ARID1B: variants seen among roughly 807,000 people sequenced by gnomAD.
The protein encoded by ARID1B is AT-rich interactive domain-containing protein 1B.
A neutral mutation model predicts 212.3 loss-of-function variants in ARID1B; 30 were observed. That is an observed-to-expected ratio of 0.14 (90% confidence interval 0.11 to 0.19). The LOEUF is 0.19. ARID1B is among the 10% of genes least tolerant of loss of function. ARID1B has a pLI of 1.00. For missense variants in ARID1B, 2,891 were observed against 3,204.0 expected, an observed-to-expected ratio of 0.90 and a Z score of 2.36; for synonymous variants, 1,402 against 1,301.7, an observed-to-expected ratio of 1.08 and a Z score of -1.66.
chr6:157,064,462 G>A lies in ARID1B; in HGVS notation c.2248-20200G>A, dbSNP rs181823277. On this transcript the variant is annotated intron_variant, in intron 4 of 19. Transcript: ENST00000636930. The stretch of plus-strand genomic sequence containing the variant: ...ATGATACGGAAACATTCTTCTTAGT[G>A]TTTCTTCGATGGTTTGAGTGTATTG... Among the ~76,000 whole-genome samples the A allele has an allele frequency of 1.4e-3, 217 of 152,270 alleles. 1 individual carries two copies. The highest frequency in any genetic ancestry group is 3.4e-3 in the Middle Eastern group (1 of 294).
chr6:157,130,081 A>G (rs564219305), intron 6 of ARID1B, among the ~76,000 whole-genome samples: 1 of 152,302 alleles, frequency 6.6e-6, no homozygotes, highest in African/African-American at 2.4e-5. Flanking sequence ...AGGCAGGAGA[A>G]TCACTTGAGG....
rs189439543 is a variant in ARID1B at position 157,045,599 on chromosome 6, C to A, written c.2248-39063C>A. On this transcript the variant is annotated intron_variant, in intron 4 of 19. Coordinates refer to ENST00000636930, the MANE Select transcript of ARID1B (RefSeq NM_001374828.1). ...CTAGTGAATTTACTTGGCTAACTCT[C>A]TGAGTGAGTGTGACTATAAGTTAGG... Among the ~76,000 whole-genome samples, 357 of 152,224 alleles carry A rather than the reference C, an allele frequency of 2.3e-3. 5 individuals are homozygous for A. The highest frequency in any genetic ancestry group is 0.021 in the Admixed American group (316 of 15,294).
At chr6:157,158,543 A>G (rs551662270) in intron 8 of ARID1B, among the ~76,000 whole-genome samples, 21 of 152,342 alleles carry the variant, frequency 1.4e-4, no homozygotes, top group African/African-American at 4.6e-4. Context: ...TCGCACTGCT[A>G]AAACTCAGGT....
At chr6:156,987,424 G>A (rs1412691228) in intron 4 of ARID1B, among the ~76,000 whole-genome samples, 2 of 151,338 alleles carry the variant, frequency 1.3e-5, no homozygotes, top group South Asian at 2.1e-4. Flanking sequence ...TCTGCCTCCC[G>A]GGTTCGCGCC....
chr6:157,034,851 A>G (rs1489161255), intron 4 of ARID1B, among the ~76,000 whole-genome samples: 1 of 152,258 alleles, frequency 6.6e-6, no homozygotes, highest in Non-Finnish European at 1.5e-5. Flanking sequence ...GTACATATAT[A>G]TGTAAACAAT....
At chr6:157,175,036 T>G in intron 11 of ARID1B, 31 bp downstream of exon 11, 1 of 1,345,580 alleles carries the variant, frequency 7.4e-7, no homozygotes, top group Non-Finnish European at 9.6e-7. Context: ...TTTGTTTTTT[T>G]TGTTTTTTGT....
chr6:156,871,630 CATGGAA>C, intron 2 of ARID1B: 1 of 1,612,702 alleles, frequency 6.2e-7, no homozygotes, highest in Non-Finnish European at 8.5e-7. Context: ...GGAGATGCCA[CATGGAA>C]AGAAACATTC....
chr6:157,019,781 A>G (rs985136583), intron 4 of ARID1B, among the ~76,000 whole-genome samples: 3 of 152,158 alleles, frequency 2.0e-5, no homozygotes, highest in Admixed American at 1.3e-4. Flanking sequence ...AACTTGTGCC[A>G]TGACCTGTAT....
chr6:157,155,106 A>G (rs1790491611), intron 8 of ARID1B, among the ~76,000 whole-genome samples: 1 of 152,172 alleles, frequency 6.6e-6, no homozygotes, highest in African/African-American at 2.4e-5. Context: ...CATGCTTTGC[A>G]CATTCCCATG....
intron 4 of ARID1B, among the ~76,000 whole-genome samples, chr6:157,051,692 T>A (rs1461723863): frequency 3.3e-5 from 5 of 152,174 alleles, no homozygotes; most frequent in Non-Finnish European, 7.3e-5. Flanking sequence ...TGAATATTTA[T>A]AATACCAGGA....
intron 4 of ARID1B, among the ~76,000 whole-genome samples, chr6:156,946,139 T>C (rs1191540725): frequency 6.6e-6 from 1 of 151,202 alleles, no homozygotes. Context: ...GGCAGACCAC[T>C]TGAGGTCAGG....
chr6:157,056,633 A>G lies in ARID1B; in HGVS notation c.2248-28029A>G, dbSNP rs536066606. Among the ~76,000 whole-genome samples, 4 of 152,306 alleles carry G rather than the reference A, an allele frequency of 2.6e-5. No homozygotes were observed. The South Asian group carries it at 8.3e-4, about 32-fold the overall frequency. On this transcript the variant is annotated intron_variant, in intron 4 of 19. Transcript: ENST00000636930. ...TTTGGTTATGATCTCATGAATCTTCATAGGCATGCAAATAATAGAAAAAGA... is the reference window on the plus strand; with the variant it reads ...TTTGGTTATGATCTCATGAATCTTCGTAGGCATGCAAATAATAGAAAAAGA...
chr6:157,157,329 G>A (rs1790642873), intron 8 of ARID1B, among the ~76,000 whole-genome samples: 2 of 152,134 alleles, frequency 1.3e-5, no homozygotes, highest in African/African-American at 2.4e-5. Context: ...CCATCACTAG[G>A]CGTCATTAGC....
chr6:157,203,694 TG>T lies in ARID1B; in HGVS notation c.5264-170del. On this transcript the variant is annotated intron_variant, in intron 18 of 19. Coordinates refer to ENST00000636930, the MANE Select transcript of ARID1B (RefSeq NM_001374828.1). This position sits in a 1 kb window ranked among gnomAD's most constrained non-coding sequence, Gnocchi z 4.4. ...CCACAAAAGTTTCTCGTTACAGCTA[TG>T]GCCTCCATTTAAAATCGGAAATGAT... 1.2e-6 allele frequency: 1 copy of T among 830,578 alleles called. No individual in the cohort carries two copies. The highest frequency in any genetic ancestry group is 1.9e-6 in the Non-Finnish European group (1 of 522,554). 51.5% of individuals were successfully genotyped at this position (830,578 alleles called of 1,614,324 possible).
chr6:157,038,690 A>T (rs1466344742), intron 4 of ARID1B, among the ~76,000 whole-genome samples: 1 of 152,106 alleles, frequency 6.6e-6, no homozygotes, highest in East Asian at 1.9e-4. Context: ...TTCATTTTTT[A>T]TTTAATGCCC....
rs538086359 is a variant in ARID1B at position 157,022,675 on chromosome 6, T to G, written c.2248-61987T>G. ...GCGACGGCCACTTTGGTTTTACACT[T>G]TTTGTTCACTCTGTGAACTATATAA... On this transcript the variant is annotated intron_variant, in intron 4 of 19. Transcript: ENST00000636930. 9 of 152,384 alleles carry G rather than the reference T, an allele frequency of 5.9e-5. No homozygotes were observed. In the East Asian group the frequency reaches 1.5e-3, roughly 26 times the overall value. 9.4% of individuals were successfully genotyped at this position (152,384 alleles called of 1,614,324 possible). A position where few individuals can be genotyped will look rare whatever the true frequency, so the allele number is the denominator to read the frequency against.
intron 1 of ARID1B, among the ~76,000 whole-genome samples, chr6:156,801,907 G>GA (rs983923107): frequency 1.4e-4 from 22 of 151,842 alleles, no homozygotes; most frequent in Non-Finnish European, 2.8e-4. Flanking sequence ...TTTTGGTGTG[G>GA]AAAAAAAATC....
chr6:156,850,219 G>A (rs911345075), intron 2 of ARID1B, among the ~76,000 whole-genome samples: 6 of 151,854 alleles, frequency 4.0e-5, no homozygotes, highest in African/African-American at 9.7e-5. Flanking sequence ...AAGATGGGAC[G>A]GAATGATAGG....
chr6:157,140,723 G>A (rs1470810831), intron 7 of ARID1B: 5 of 398,340 alleles, frequency 1.3e-5, no homozygotes, highest in Admixed American at 4.4e-5. Flanking sequence ...TTGCTGCCTC[G>A]ATGTCAGATG....
Sources: allele counts gnomAD v4.1 joint callset (sites outside exome capture counted in the v4.1 genomes callset), GRCh38; gene constraint gnomAD v4.1.1; non-coding constraint Gnocchi (gnomAD v3.1); transcripts MANE v1.5; gene names NCBI Gene and HGNC (gene_info 2026-07-23, HGNC 2026-07-21).